The following SCFD2 variants were observed in gnomAD, a reference collection of about 807,000 sequenced individuals.
SCFD2 encodes the protein sec1 family domain containing 2.
Under a neutral mutation model 58.9 loss-of-function variants are expected in SCFD2, and 54 were observed. The ratio of observed to expected loss-of-function variants is 0.92; its 90% CI spans 0.74 to 1.15. SCFD2 has a LOEUF of 1.15. Among genes scored for constraint, SCFD2 ranks in the 50% most tolerant of loss-of-function variants. The pLI is 0.00. For missense variants in SCFD2, 805 were observed against 836.6 expected (o/e 0.96, Z 0.47); for synonymous variants, 321 against 335.9 (o/e 0.96, Z 0.49).
chr4:53,259,136 T>C (rs1206001608), intron 4 of SCFD2, among the ~76,000 whole-genome samples: 2 of 152,266 alleles, frequency 1.3e-5, no homozygotes, highest in Non-Finnish European at 2.9e-5. Context: ...GTCAGATGTA[T>C]AGATTGTAAA....
intron 5 of SCFD2, among the ~76,000 whole-genome samples, chr4:53,078,571 C>G (rs575914912): frequency 3.3e-5 from 5 of 152,166 alleles, no homozygotes; most frequent in African/African-American, 1.2e-4. Context: ...GGCATTGACT[C>G]TATGCGCTAG....
At chr4:52,983,886 C>G (rs1345025444) in intron 5 of SCFD2, among the ~76,000 whole-genome samples, 1 of 152,218 alleles carries the variant, frequency 6.6e-6, no homozygotes, top group South Asian at 2.1e-4. Context: ...CTTGCCTACA[C>G]CCTTCTTAAG....
intron 5 of SCFD2, among the ~76,000 whole-genome samples, chr4:52,960,358 T>C (rs530877321): frequency 7.2e-5 from 10 of 137,968 alleles, no homozygotes; most frequent in Admixed American, 2.5e-4. Context: ...GAGAGGCACA[T>C]CTTCTTCTTC....
chr4:53,206,600 G>A lies in SCFD2; in HGVS notation c.1312-61018C>T, dbSNP rs1274434172. ...AAACTCCACTGTAATTCTCAATGTT[G>A]CCACTGCTTTAAATTACAATATACT... On this transcript the variant is annotated intron_variant, in intron 4 of 8. Transcript: ENST00000401642. 2.0e-5 allele frequency among the ~76,000 whole-genome samples: 3 copies of A among 152,034 alleles called. 1 individual carries two copies. The highest frequency in any genetic ancestry group is 4.8e-5 in the African/African-American group (2 of 41,340).
intron 7 of SCFD2, among the ~76,000 whole-genome samples, chr4:52,897,022 G>A (rs1361331957): frequency 6.6e-6 from 1 of 152,208 alleles, no homozygotes; most frequent in East Asian, 1.9e-4. Flanking sequence ...CTGAGACTTT[G>A]CTGAAGTTAC....
intron 4 of SCFD2, among the ~76,000 whole-genome samples, chr4:53,151,540 T>C (rs1469691196): frequency 1.3e-5 from 2 of 152,230 alleles, no homozygotes; most frequent in Non-Finnish European, 2.9e-5. Context: ...GTCTCTGTAC[T>C]GGCTACCTTG....
chr4:53,145,607 T>A, intron 4 of SCFD2, 25 bp from the exon 5 acceptor site: 1 of 1,599,848 alleles, frequency 6.3e-7, no homozygotes, highest in African/African-American at 1.3e-5. Context: ...GATATGAAAA[T>A]ATGTCAATCT....
chr4:53,035,273 T>G (rs190748433), intron 5 of SCFD2, among the ~76,000 whole-genome samples: 46 of 152,324 alleles, frequency 3.0e-4, no homozygotes, highest in African/African-American at 1.0e-3. Flanking sequence ...GCCAGCCATA[T>G]GCAGAAAACT....
intron 2 of SCFD2, among the ~76,000 whole-genome samples, chr4:53,330,139 G>A (rs1172742753): frequency 6.6e-6 from 1 of 152,148 alleles, no homozygotes; most frequent in African/African-American, 2.4e-5. Flanking sequence ...TGAAAGTGAT[G>A]GGGAGAATGG....
At chr4:53,300,566 C>T (rs1228486551) in intron 3 of SCFD2, among the ~76,000 whole-genome samples, 1 of 152,052 alleles carries the variant, frequency 6.6e-6, no homozygotes, top group Non-Finnish European at 1.5e-5. Flanking sequence ...CAAGGATACC[C>T]AGGAATTGAA....
chr4:53,172,909 G>T (rs1727220990), intron 4 of SCFD2, among the ~76,000 whole-genome samples: 1 of 152,074 alleles, frequency 6.6e-6, no homozygotes, highest in African/African-American at 2.4e-5. Context: ...TTCCTCTCTG[G>T]ATAATCTGTC....
At chr4:52,979,787 C>T (rs537248612) in intron 5 of SCFD2, among the ~76,000 whole-genome samples, 116 of 152,188 alleles carry the variant, frequency 7.6e-4, no homozygotes, top group African/African-American at 2.5e-3. Flanking sequence ...TAAAATAATC[C>T]GAGTTGATTC....
At chr4:53,172,747 TTGTGGCCCAATATA>T (rs1727217186) in intron 4 of SCFD2, among the ~76,000 whole-genome samples, 1 of 152,216 alleles carries the variant, frequency 6.6e-6, no homozygotes, top group Non-Finnish European at 1.5e-5. Flanking sequence ...CAGACTTGTT[TTGTGGCCCAATATA>T]TGATCTATCC....
At chr4:53,226,791 G>A (rs1358002379) in intron 4 of SCFD2, among the ~76,000 whole-genome samples, 5 of 152,082 alleles carry the variant, frequency 3.3e-5, no homozygotes, top group Admixed American at 2.0e-4. Flanking sequence ...ACACATATAG[G>A]TAAAGAAATG....
At chr4:53,040,013 C>G (rs1299777960) in intron 5 of SCFD2, among the ~76,000 whole-genome samples, 1 of 152,190 alleles carries the variant, frequency 6.6e-6, no homozygotes, top group Non-Finnish European at 1.5e-5. Flanking sequence ...TTGTGCTTAT[C>G]TTCCCAACAC....
At chr4:53,340,669 G>C (rs140387923) in intron 2 of SCFD2, among the ~76,000 whole-genome samples, 2 of 152,346 alleles carry the variant, frequency 1.3e-5, no homozygotes, top group Non-Finnish European at 2.9e-5. Flanking sequence ...CTCCTCAAGT[G>C]TGTCCCTCAC....
intron 1 of SCFD2, 71 bp from the exon 2 acceptor site, chr4:53,352,837 C>T (rs573861916): frequency 1.7e-5 from 21 of 1,264,270 alleles, no homozygotes; most frequent in Admixed American, 1.5e-4. Context: ...AATGTTTTAT[C>T]ACACACCTTC....
At chr4:53,047,874 G>C (rs1723082435) in intron 5 of SCFD2, among the ~76,000 whole-genome samples, 1 of 152,074 alleles carries the variant, frequency 6.6e-6, no homozygotes, top group South Asian at 2.1e-4. Context: ...TATTTTGCAG[G>C]GGTGTCTAAT....
At chr4:52,950,543 C>T (rs1467208569) in intron 5 of SCFD2, 1 of 152,140 alleles carries the variant, frequency 6.6e-6, no homozygotes, top group Non-Finnish European at 1.5e-5. Flanking sequence ...AAGCAAAATA[C>T]CTAGAGCAGA....
Sources: gnomAD v4.1 joint callset for allele counts (sites outside exome capture counted in the v4.1 genomes callset) on GRCh38, gnomAD v4.1.1 for gene constraint, MANE v1.5 for transcripts, NCBI Gene and HGNC (gene_info 2026-07-23, HGNC 2026-07-21) for gene names.